The following ABCA4 variants were observed in gnomAD, a reference collection of about 807,000 sequenced individuals.
The protein encoded by ABCA4 is ATP binding cassette subfamily A member 4, also known as retinal-specific phospholipid-transporting ATPase ABCA4.
In ABCA4, 196 loss-of-function variants were observed where a neutral mutation model predicts 263.7. The ratio of observed to expected loss-of-function variants is 0.74; its 90% CI spans 0.66 to 0.84. The LOEUF is 0.84. Among genes scored for constraint, ABCA4 ranks in the 40% least tolerant of loss-of-function variants. The probability of loss-of-function intolerance (pLI) is 0.00; values close to 1 mark genes in which losing one functional copy is unlikely to be tolerated. For missense variants in ABCA4, 2,792 were observed against 2,855.1 expected, an observed-to-expected ratio of 0.98 and a Z score of 0.50; for synonymous variants, 1,133 against 1,094.2, an observed-to-expected ratio of 1.04 and a Z score of -0.70.
chr1:94,049,452 C>T (rs919823383), intron 17 of ABCA4, among the ~76,000 whole-genome samples: 7 of 152,146 alleles, frequency 4.6e-5, no homozygotes, highest in East Asian at 1.9e-4. Context: ...GGTGAAACCC[C>T]GTATCTACTA....
At chr1:94,077,266 G>A (rs1661560860) in intron 11 of ABCA4, among the ~76,000 whole-genome samples, 2 of 152,222 alleles carry the variant, frequency 1.3e-5, no homozygotes, top group African/African-American at 2.4e-5. Context: ...TATGGGCAAG[G>A]AGAACATACA....
intron 43 of ABCA4, 120 bp from the exon 44 acceptor site, chr1:94,005,702 T>C: frequency 9.9e-7 from 1 of 1,005,484 alleles, no homozygotes; most frequent in Non-Finnish European, 1.5e-6. Flanking sequence ...TTCTCCTATT[T>C]GGCTTCAGAA....
rs1658914764 is a variant in ABCA4 at position 93,993,143 on chromosome 1, G to C, written c.*94C>G. ...TGCTGCAGTGGGGTCATTTACGCTG[G>C]CCAGTCCATTTGGATGACCATATGG... On this transcript the variant is annotated 3_prime_UTR_variant, in exon 50 of 50. Coordinates refer to ENST00000370225, the MANE Select transcript of ABCA4 (RefSeq NM_000350.3). 6.5e-7 allele frequency: 1 copy of C among 1,531,830 alleles called. No homozygotes were observed. The highest frequency in any genetic ancestry group is 9.0e-7 in the Non-Finnish European group (1 of 1,107,730). 94.9% of individuals were successfully genotyped at this position (1,531,830 alleles called of 1,614,324 possible).
intron 19 of ABCA4, among the ~76,000 whole-genome samples, chr1:94,046,257 AC>A (rs1280330515): frequency 7.0e-6 from 1 of 143,830 alleles, no homozygotes; most frequent in Non-Finnish European, 1.5e-5. Flanking sequence ...AGCCTGGCCA[AC>A]ATGGTGAAAC....
chr1:94,052,731 G>C (rs932356140), intron 16 of ABCA4, among the ~76,000 whole-genome samples: 2 of 152,188 alleles, frequency 1.3e-5, no homozygotes, highest in Admixed American at 6.5e-5. Flanking sequence ...CCTCCAAAAA[G>C]ACATGTTGGG....
At chr1:94,005,294 G>T in intron 44 of ABCA4, 147 bp downstream of exon 44, 1 of 1,077,414 alleles carries the variant, frequency 9.3e-7, no homozygotes, top group Non-Finnish European at 1.4e-6. Flanking sequence ...AACAGTACTT[G>T]GCACACAGTA....
At chr1:94,102,611 C>G (rs1412896731) in intron 5 of ABCA4, among the ~76,000 whole-genome samples, 5 of 152,274 alleles carry the variant, frequency 3.3e-5, no homozygotes, top group African/African-American at 1.2e-4. Context: ...GCCTGTGGCC[C>G]CACTGGAATG....
At position 94,029,625 on chromosome 1, in the gene ABCA4, G is replaced by A. The variant is rs192656357; in HGVS notation, c.4359C>T (p.Tyr1453=). 1 of 1,613,372 alleles carries A rather than the reference G, an allele frequency of 6.2e-7. No homozygotes were observed. The highest frequency in any genetic ancestry group is 8.5e-7 in the Non-Finnish European group (1 of 1,179,662). ...TCCAGGGTGTTGAGTTGCCACAGGG[G>A]TACTCCCTCATGGAAGACAAGAAAA... ...RCLKEGWLPE[Y]PCGNSTPWKT... Residue 1453 remains tyrosine (Y), a synonymous_variant, in exon 30 of 50, where the codon TAC becomes TAT. Coordinates refer to ENST00000370225, the MANE Select transcript of ABCA4 (RefSeq NM_000350.3).
intron 30 of ABCA4, among the ~76,000 whole-genome samples, chr1:94,026,344 T>C (rs74102079): frequency 0.013 from 2,006 of 152,310 alleles, 43 homozygotes; most frequent in African/African-American, 0.045. Context: ...CTATGTTAAA[T>C]GCCCTACATA....
rs1157062089 is a variant in ABCA4 at position 94,079,420 on chromosome 1, G to A, written c.1141C>T (p.Pro381Ser). 1 of 1,614,160 alleles carries A rather than the reference G, an allele frequency of 6.2e-7. No individual in the cohort carries two copies. The highest frequency in any genetic ancestry group is 1.3e-5 in the African/African-American group (1 of 75,030). Residue 381 changes from proline to serine, a missense_variant, in exon 9 of 50, where the codon CCT becomes TCT. By Grantham distance (74) the Pro-to-Ser change is moderately conservative. Transcript: ENST00000370225. Reference sequence around the variant, plus strand: ...GCCCTCCAAGCGATTTTGGTTAAAGGATTTGACTCCAGGCTCTGGATCAAT... The same window carrying A: ...GCCCTCCAAGCGATTTTGGTTAAAGAATTTGACTCCAGGCTCTGGATCAAT... ...NALIQSLESN[P>S]LTKIAWRAAK...
Position 94,077,676 on chromosome 1 carries a change from T to C in ABCA4, c.1554+14A>G. 6.2e-7 allele frequency: 1 copy of C among 1,603,702 alleles called. No homozygotes were observed. Among genetic ancestry groups the C allele is most frequent in the Non-Finnish European group, 8.5e-7 (1 of 1,174,276 alleles). On this transcript the variant is annotated intron_variant, in intron 11 of 49. Coordinates refer to ENST00000370225, the MANE Select transcript of ABCA4 (RefSeq NM_000350.3). ...ATCTTCAAGGGGCCCACTGTGGGGCTTGCAGCCCCTTACCTCCAGGTATTG... is the reference window on the plus strand; with the variant it reads ...ATCTTCAAGGGGCCCACTGTGGGGCCTGCAGCCCCTTACCTCCAGGTATTG...
intron 11 of ABCA4, among the ~76,000 whole-genome samples, chr1:94,067,888 T>C (rs1661312949): frequency 6.6e-6 from 1 of 152,254 alleles, no homozygotes; most frequent in African/African-American, 2.4e-5. Flanking sequence ...GGAAAGAGCC[T>C]GTGTTTTTAA....
At chr1:94,108,427 C>T in intron 4 of ABCA4, 150 bp downstream of exon 4, 1 of 1,092,028 alleles carries the variant, frequency 9.2e-7, no homozygotes, top group Non-Finnish European at 1.4e-6. Flanking sequence ...GAGGCATCTT[C>T]ACCAAGGTGA....
intron 5 of ABCA4, among the ~76,000 whole-genome samples, chr1:94,099,941 C>T (rs1045222031): frequency 1.3e-5 from 2 of 152,154 alleles, no homozygotes; most frequent in African/African-American, 4.8e-5. Flanking sequence ...GGACCTTGGC[C>T]AGGGACCTGT....
chr1:93,997,951 G>C lies in ABCA4; in HGVS notation c.6639C>G (p.Ser2213=), dbSNP rs1353586276. The change falls in exon 48 of 50, where the codon TCC becomes TCG. Residue 2213 remains serine (S), a synonymous_variant. Coordinates refer to ENST00000370225, the MANE Select transcript of ABCA4 (RefSeq NM_000350.3). ...GGAGCTGGAAGATCCTCGCCAGGGA[G>C]GAGGAGGAGACCTGGAACTGGAGCA... ...YNMLQFQVSS[S]SLARIFQLLL... is the part of the protein sequence containing the mutation. The C allele has an allele frequency of 6.2e-7, 1 of 1,614,110 alleles. No homozygotes were observed. The highest frequency in any genetic ancestry group is 1.1e-5 in the South Asian group (1 of 91,066).
Position 94,047,080 on chromosome 1 carries a change from T to G in ABCA4, c.2757A>C (p.Glu919Asp), listed in dbSNP as rs539815930. ...CAGGAACCCACCCTGGATGCTCACG[T>G]TCAAAGAAGGAGTCTTGGAGGAAAA... Reference protein sequence around the residue: ...HPEGIHDSFFEREHPGWVPGV... With the variant: ...HPEGIHDSFFDREHPGWVPGV... The change falls in exon 19 of 50, where the codon GAA (glutamate) becomes GAC (aspartate). Residue 919 changes from glutamate (E) to aspartate (D), a missense_variant. Transcript: ENST00000370225. 5 of 1,614,144 alleles carry G rather than the reference T, an allele frequency of 3.1e-6. No individual in the cohort carries two copies. Among genetic ancestry groups the G allele is most frequent in the Non-Finnish European group, 4.2e-6 (5 of 1,180,028 alleles).
At chr1:94,045,435 T>C (rs540387975) in intron 19 of ABCA4, among the ~76,000 whole-genome samples, 1 of 151,346 alleles carries the variant, frequency 6.6e-6, no homozygotes, top group East Asian at 2.0e-4. Flanking sequence ...AAAGTAAAAC[T>C]CAAAAATATT....
intron 6 of ABCA4, among the ~76,000 whole-genome samples, chr1:94,092,897 G>A (rs1245471397): frequency 6.6e-6 from 1 of 152,198 alleles, no homozygotes; most frequent in Non-Finnish European, 1.5e-5. Context: ...TTTGTTCAAA[G>A]TGTTTTTCCA....
At chr1:94,069,105 C>A (rs4147832) in intron 11 of ABCA4, among the ~76,000 whole-genome samples, 1 of 152,188 alleles carries the variant, frequency 6.6e-6, no homozygotes, top group Non-Finnish European at 1.5e-5. Context: ...AGGTTTGAGC[C>A]CTCTCCAGCG....
Sources: allele counts gnomAD v4.1 joint callset (sites outside exome capture counted in the v4.1 genomes callset), GRCh38; gene constraint gnomAD v4.1.1; transcripts MANE v1.5; gene names NCBI Gene and HGNC (gene_info 2026-07-23, HGNC 2026-07-21).